The following GDPD3 variants were observed in gnomAD, a reference collection of about 807,000 sequenced individuals.
GDPD3 encodes the protein glycerophosphodiester phosphodiesterase domain containing 3.
A neutral mutation model predicts 43.7 loss-of-function variants in GDPD3; 40 were observed. The ratio of observed to expected loss-of-function variants is 0.91; its 90% confidence interval spans 0.71 to 1.19. The LOEUF is 1.19. GDPD3 is among the 50% of genes most tolerant of loss of function. GDPD3 has a pLI of 0.00. For synonymous variants in GDPD3, 145 were observed against 162.9 expected (o/e 0.89, Z 0.84); for missense variants, 363 against 415.8 (o/e 0.87, Z 1.11).
intron 7 of GDPD3, 72 bp from the exon 8 acceptor site, chr16:30,108,504 G>A: frequency 7.1e-7 from 1 of 1,411,652 alleles, no homozygotes; most frequent in Non-Finnish European, 1.0e-6. Context: ...GGCTGGTAGT[G>A]CCCCCGCCAA....
At chr16:30,111,358 GT>G in intron 7 of GDPD3, 29 bp downstream of exon 7, 1 of 1,611,242 alleles carries the variant, frequency 6.2e-7, no homozygotes, top group Admixed American at 1.7e-5. Context: ...GCAGTGGGGA[GT>G]TTTTCTGAGG....
In GDPD3 at chr16:30,112,917, G is replaced by A. The variant is rs565937012; in HGVS notation, c.182+105C>T. 1.4e-6 allele frequency: 2 copies of A among 1,481,410 alleles called. No homozygotes were observed. Among genetic ancestry groups the A allele is most frequent in the East Asian group, 2.3e-5 (1 of 43,820 alleles). 91.8% of individuals were successfully genotyped at this position (1,481,410 alleles called of 1,614,324 possible). A position where few individuals can be genotyped will look rare whatever the true frequency, so the allele number is the denominator to read the frequency against. ...CGGGATGTGCAGGCCACCTCCAGGG[G>A]GCGCCAGTCACCCAGCTAGGAAGTG... On this transcript the variant is annotated intron_variant, in intron 2 of 9. Transcript: ENST00000406256. This position sits in a 1 kb window ranked among gnomAD's most constrained non-coding sequence, Gnocchi z 5.4.
At chr16:30,105,059 G>T (rs750894233) in intron 9 of GDPD3, 50 bp from the exon 10 acceptor site, 11 of 1,509,702 alleles carry the variant, frequency 7.3e-6, no homozygotes, top group African/African-American at 5.5e-5. Flanking sequence ...TTTACATCTG[G>T]AGAGTGGGGA....
In GDPD3 at chr16:30,113,418, A is replaced by T; in HGVS notation, c.61T>A (p.Phe21Ile). The T allele has an allele frequency of 6.2e-7, 1 of 1,612,196 alleles. No individual in the cohort carries two copies. The part of the protein sequence containing the change: ...ALGSYAMLSI[F>I]FLRRPHLLHT... ...AGCAGATGAGGCCGGCGCAGGAAGAAGATGGAGAGCATGGCATAGCTGCCC... is the reference window on the plus strand; with the variant it reads ...AGCAGATGAGGCCGGCGCAGGAAGATGATGGAGAGCATGGCATAGCTGCCC... The change falls in exon 1 of 10, where the codon TTC becomes ATC. Residue 21 changes from phenylalanine (F) to isoleucine (I), a missense_variant. Physicochemically the swap from Phe to Ile is conservative, Grantham distance 21. Transcript: ENST00000406256. The surrounding 1 kb of genome is among the most constrained non-coding windows in gnomAD (Gnocchi z 5.9).
intron 9 of GDPD3, chr16:30,107,569 A>C (rs936227777): frequency 2.6e-5 from 4 of 152,056 alleles, no homozygotes; most frequent in African/African-American, 9.7e-5. Flanking sequence ...CCCATCTCTC[A>C]TCTTTCCCCA....
chr16:30,105,477 A>G (rs1241930037), intron 9 of GDPD3, among the ~76,000 whole-genome samples: 1 of 150,942 alleles, frequency 6.6e-6, no homozygotes, highest in East Asian at 1.9e-4. Flanking sequence ...AAAAAATTAT[A>G]TATACTGACA....
At position 30,113,198 on chromosome 16, in the gene GDPD3, C is replaced by A; in HGVS notation, c.140-134G>T. 1 of 1,361,620 alleles carries A rather than the reference C, an allele frequency of 7.3e-7. No homozygotes were observed. 84.3% of individuals were successfully genotyped at this position (1,361,620 alleles called of 1,614,324 possible). On this transcript the variant is annotated intron_variant, in intron 1 of 9. Coordinates refer to ENST00000406256, the MANE Select transcript of GDPD3 (RefSeq NM_024307.3). The surrounding 1 kb of genome is among the most constrained non-coding windows in gnomAD (Gnocchi z 5.9). ...CCCCAGCCAGCCCAGGCTGCGCCAG[C>A]ATCTTCTTCCTCGTCCACACCCTGC... is the stretch of plus-strand genomic sequence containing the variant.
At chr16:30,110,571 C>A (rs544480837) in intron 7 of GDPD3, 18 of 152,090 alleles carry the variant, frequency 1.2e-4, no homozygotes, top group African/African-American at 4.1e-4. Context: ...CACAGAGAAG[C>A]TGTCAGAAAG....
At chr16:30,108,953 T>C (rs965418045) in intron 7 of GDPD3, among the ~76,000 whole-genome samples, 1 of 151,840 alleles carries the variant, frequency 6.6e-6, no homozygotes, top group Non-Finnish European at 1.5e-5. Flanking sequence ...TGCCTCAGCC[T>C]CTTGAGTAGC....
intron 7 of GDPD3, 188 bp from the exon 8 acceptor site, chr16:30,108,620 A>G (rs1362982854): frequency 1.7e-5 from 10 of 580,978 alleles, no homozygotes; most frequent in Admixed American, 2.9e-5. Context: ...TCTGACCACC[A>G]CGCTTCAAGG....
chr16:30,110,323 C>T (rs554198273), intron 7 of GDPD3, among the ~76,000 whole-genome samples: 13 of 151,406 alleles, frequency 8.6e-5, no homozygotes, highest in Admixed American at 2.6e-4. Flanking sequence ...CCCAGCTACT[C>T]GGGAGGCTGA....
At position 30,112,985 on chromosome 16, in the gene GDPD3, C is replaced by G. The variant is rs752119403; in HGVS notation, c.182+37G>C. On this transcript the variant is annotated intron_variant, in intron 2 of 9. Transcript: ENST00000406256. The surrounding 1 kb of genome is among the most constrained non-coding windows in gnomAD (Gnocchi z 5.4). ...TGATGCAGTCCACGACCTGCACACCCTCACATGGCAGCCTGGGCAGGGGCA... is the reference window on the plus strand; with the variant it reads ...TGATGCAGTCCACGACCTGCACACCGTCACATGGCAGCCTGGGCAGGGGCA... 1 of 1,603,002 alleles carries G rather than the reference C, an allele frequency of 6.2e-7. No homozygotes were observed. The highest frequency in any genetic ancestry group is 8.5e-7 in the Non-Finnish European group (1 of 1,170,810).
rs547929760 is a variant in GDPD3, at chr16:30,112,180, G to A, written c.525C>T (p.Thr175=). The A allele has an allele frequency of 1.5e-5, 24 of 1,614,036 alleles. No individual in the cohort carries two copies. Among genetic ancestry groups the A allele is most frequent in the Non-Finnish European group, 1.8e-5 (21 of 1,180,026 alleles). The change falls in exon 6 of 10, where the codon ACC becomes ACT. Residue 175 remains threonine (T), a synonymous_variant. Coordinates refer to ENST00000406256, the MANE Select transcript of GDPD3 (RefSeq NM_024307.3). The surrounding 1 kb of genome is among the most constrained non-coding windows in gnomAD (Gnocchi z 5.4). ...LVRRYDRNEI[T]IWASEKSSVM... ...CCGAGCTCTTCTCCGAGGCCCAGAT[G>A]GTGATTTCATTACGGTCATAGCGTC... is the stretch of plus-strand genomic sequence containing the variant.
At chr16:30,108,999 T>C (rs986298733) in intron 7 of GDPD3, among the ~76,000 whole-genome samples, 1 of 151,800 alleles carries the variant, frequency 6.6e-6, no homozygotes, top group African/African-American at 2.4e-5. Context: ...GCCTGCTAAT[T>C]TTTTGTATTT....
At chr16:30,109,453 G>C (rs1031867650) in intron 7 of GDPD3, among the ~76,000 whole-genome samples, 1 of 152,114 alleles carries the variant, frequency 6.6e-6, no homozygotes, top group Admixed American at 6.6e-5. Context: ...AGGTTTCAGT[G>C]AGCCAAGATC....
Position 30,111,486 on chromosome 16 carries a change from T to C in GDPD3, c.609A>G (p.Arg203=). ...AGTAGGAAAGCAGCACCCAGAATCCTCGGCTTATTGTGAAGGACAGGGGCA... is the reference window on the plus strand; with the variant it reads ...AGTAGGAAAGCAGCACCCAGAATCCCCGGCTTATTGTGAAGGACAGGGGCA... The part of the protein sequence containing the change: ...PEMPLSFTIS[R]GFWVLLSYYL... The change falls in exon 7 of 10, where the codon CGA becomes CGG. Residue 203 remains arginine, a synonymous_variant. Coordinates refer to ENST00000406256, the MANE Select transcript of GDPD3 (RefSeq NM_024307.3). 6.2e-7 allele frequency: 1 copy of C among 1,613,888 alleles called. No homozygotes were observed. The highest frequency in any genetic ancestry group is 8.5e-7 in the Non-Finnish European group (1 of 1,179,936).
intron 9 of GDPD3, 155 bp downstream of exon 9, chr16:30,108,058 T>C (rs2072872479): frequency 8.3e-6 from 5 of 602,542 alleles, no homozygotes; most frequent in Non-Finnish European, 1.2e-5. Flanking sequence ...TGTGTGTGTG[T>C]ATCCAGAGAG....
intron 7 of GDPD3, chr16:30,110,870 A>AAAAAAAAAAAAAAC (rs2072893832): frequency 6.6e-6 from 1 of 151,898 alleles, no homozygotes; most frequent in Non-Finnish European, 1.5e-5. Flanking sequence ...CAAAAAAAAA[A>AAAAAAAAAAAAAAC]AAAAAATTGT....
In GDPD3 at chr16:30,112,205, C is replaced by G; in HGVS notation, c.500G>C (p.Arg167Thr). 6.2e-7 allele frequency: 1 copy of G among 1,614,096 alleles called. No individual in the cohort carries two copies. The change falls in exon 6 of 10, where the codon AGA (arginine) becomes ACA (threonine). Residue 167 changes from arginine (R) to threonine (T), a missense_variant. Coordinates refer to ENST00000406256, the MANE Select transcript of GDPD3 (RefSeq NM_024307.3). This position sits in a 1 kb window ranked among gnomAD's most constrained non-coding sequence, Gnocchi z 5.4. ...GGTGATTTCATTACGGTCATAGCGT[C>G]TCACCAAGCCTGCTATCTGGGAGGA... ...ELIREIAGLV[R>T]RYDRNEITIW...
Sources: gnomAD v4.1 joint callset for allele counts (sites outside exome capture counted in the v4.1 genomes callset) on GRCh38, gnomAD v4.1.1 for gene constraint, Gnocchi (gnomAD v3.1) non-coding constraint, MANE v1.5 for transcripts, NCBI Gene and HGNC (gene_info 2026-07-23, HGNC 2026-07-21) for gene names.